BTBD1: variants seen among roughly 807,000 people sequenced by gnomAD.
BTBD1 encodes BTB/POZ domain-containing protein 1.
In BTBD1, 34 loss-of-function variants were observed where a neutral mutation model predicts 48.0. That is an observed-to-expected ratio of 0.71 (90% confidence interval 0.54 to 0.94). BTBD1 has a LOEUF of 0.94. Ranked by LOEUF, BTBD1 falls within the 40% of genes least tolerant of loss-of-function variation. The pLI is 0.00. For missense variants in BTBD1, 543 were observed against 625.6 expected (o/e 0.87, Z 1.41); for synonymous variants, 261 against 242.1 (o/e 1.08, Z -0.72).
At chr15:83,032,823 T>G (rs1488884013) in intron 4 of BTBD1, among the ~76,000 whole-genome samples, 4 of 151,798 alleles carry the variant, frequency 2.6e-5, no homozygotes, top group Non-Finnish European at 5.9e-5. Context: ...AACACAAAAT[T>G]TAGCCAAGGG....
chr15:83,060,295 A>C (rs2151314634), intron 1 of BTBD1, among the ~76,000 whole-genome samples: 1 of 152,164 alleles, frequency 6.6e-6, no homozygotes, highest in South Asian at 2.1e-4. Flanking sequence ...AAAAAAACTA[A>C]GCCAAGGTTT....
intron 2 of BTBD1, among the ~76,000 whole-genome samples, chr15:83,052,700 G>T (rs1370951388): frequency 6.8e-6 from 1 of 148,014 alleles, no homozygotes; most frequent in Admixed American, 6.8e-5. Flanking sequence ...GCGTGATCTC[G>T]GCTCATTGCA....
chr15:83,032,969 C>CAAAAAAAA lies in BTBD1; in HGVS notation c.863-2649_863-2642dup, dbSNP rs56152195. Among the ~76,000 whole-genome samples the CAAAAAAAA allele has an allele frequency of 3.6e-3, 317 of 86,944 alleles. 11 individuals are homozygous for CAAAAAAAA. The highest frequency in any genetic ancestry group is 5.4e-3 in the African/African-American group (108 of 20,056). 57.0% of individuals were successfully genotyped at this position (86,944 alleles called of 152,430 possible). A position where few individuals can be genotyped will look rare whatever the true frequency, so the allele number is the denominator to read the frequency against. On this transcript the variant is annotated intron_variant, in intron 4 of 7. Coordinates refer to ENST00000261721, the MANE Select transcript of BTBD1 (RefSeq NM_025238.4). ...GCTGGGTGACAGTCTTACTCTGTCT[C>CAAAAAAAA]AAAAAAAAAAAAAAAAAAACAGAAT...
chr15:83,039,458 T>G lies in BTBD1; in HGVS notation c.862+2270A>C, dbSNP rs118115716. 2.2e-3 allele frequency among the ~76,000 whole-genome samples: 330 copies of G among 152,000 alleles called. 8 individuals are homozygous for G. In the East Asian group the frequency reaches 0.036, roughly 16 times the overall value. Reference sequence around the variant, plus strand: ...AAGGTTAGCCATTGTGGGAAGCAGTTTGGAGATTTTTTAAAGAACTCAGAA... The same window carrying G: ...AAGGTTAGCCATTGTGGGAAGCAGTGTGGAGATTTTTTAAAGAACTCAGAA... On this transcript the variant is annotated intron_variant, in intron 4 of 7. Coordinates refer to ENST00000261721, the MANE Select transcript of BTBD1 (RefSeq NM_025238.4).
At chr15:83,033,398 GGGCAAATATATA>G (rs1176616644) in intron 4 of BTBD1, among the ~76,000 whole-genome samples, 2 of 152,066 alleles carry the variant, frequency 1.3e-5, no homozygotes, top group African/African-American at 2.4e-5. Flanking sequence ...ATAACTGAAA[GGGCAAATATATA>G]GGCAAATCAA....
At chr15:83,030,577 G>T in intron 4 of BTBD1, 1 of 377,156 alleles carries the variant, frequency 2.7e-6, no homozygotes, top group Non-Finnish European at 4.8e-6. Context: ...TATTCCTCAT[G>T]GATGCCAGGA....
intron 5 of BTBD1, among the ~76,000 whole-genome samples, chr15:83,023,360 A>G (rs2032337137): frequency 6.6e-6 from 1 of 152,154 alleles, no homozygotes; most frequent in Non-Finnish European, 1.5e-5. Context: ...GGTGAAAATA[A>G]AAGGCACATT....
chr15:83,064,122 C>A (rs892600195), intron 1 of BTBD1, among the ~76,000 whole-genome samples: 1 of 152,210 alleles, frequency 6.6e-6, no homozygotes, highest in African/African-American at 2.4e-5. Flanking sequence ...AACTTAAGTT[C>A]ATGAGCCTGT....
In BTBD1 at chr15:83,056,487, T is replaced by C; in HGVS notation, c.460A>G (p.Thr154Ala). 6.2e-7 allele frequency: 1 copy of C among 1,613,458 alleles called. No homozygotes were observed. Reference sequence around the variant, plus strand: ...GCTGGGACTGCGTATTTCTTGGCAGTATAAAGAGTGGTCATAACTGTTTCT... The same window carrying C: ...GCTGGGACTGCGTATTTCTTGGCAGCATAAAGAGTGGTCATAACTGTTTCT... ...GPETVMTTLYTAKKYAVPALE... is the reference protein window; with the variant it reads ...GPETVMTTLYAAKKYAVPALE... Residue 154 changes from threonine (T) to alanine (A), a missense_variant, in exon 2 of 8, where the codon ACT (threonine) becomes GCT (alanine). By Grantham distance (58) the Thr-to-Ala change is moderately conservative. Transcript: ENST00000261721.
At position 83,018,074 on chromosome 15, in the gene BTBD1, T is replaced by C; in HGVS notation, c.1442A>G (p.Tyr481Cys). ...ATGTATTATAATGCTAAATTATGTA[T>C]AAAATATGATTTCTGGAATTTGTCC... ...EDGQIPEIIF[Y>C]T The change falls in exon 8 of 8, where the codon TAT becomes TGT. Residue 481 changes from tyrosine to cysteine, a missense_variant. This residue lies in a region of BTBD1 where 300 missense variants were observed against 350.0 expected (regional missense o/e 0.86). Transcript: ENST00000261721. 1 of 1,602,034 alleles carries C rather than the reference T, an allele frequency of 6.2e-7. No individual in the cohort carries two copies. The highest frequency in any genetic ancestry group is 2.2e-5 in the East Asian group (1 of 44,608).
intron 3 of BTBD1, among the ~76,000 whole-genome samples, chr15:83,045,211 T>C (rs562427142): frequency 4.1e-4 from 62 of 152,088 alleles, no homozygotes; most frequent in Non-Finnish European, 8.1e-4. Flanking sequence ...TATTCTACAA[T>C]ATGGGCAGGC....
chr15:83,025,417 G>C (rs939128671), intron 5 of BTBD1, among the ~76,000 whole-genome samples: 28 of 135,842 alleles, frequency 2.1e-4, no homozygotes, highest in African/African-American at 7.1e-4. Context: ...CCTTAAAATA[G>C]TATGTGACTT....
At chr15:83,021,763 T>C (rs994197792) in intron 5 of BTBD1, among the ~76,000 whole-genome samples, 1 of 150,246 alleles carries the variant, frequency 6.7e-6, no homozygotes, top group African/African-American at 2.5e-5. Flanking sequence ...ATAATAATAA[T>C]AATAATACAT....
chr15:83,052,815 T>G (rs11635970), intron 2 of BTBD1, among the ~76,000 whole-genome samples: 3,185 of 144,396 alleles, frequency 0.022, 78 homozygotes, highest in South Asian at 0.039. Context: ...TTTTTTTTTT[T>G]TTTTTTAGTA....
chr15:83,043,973 AT>A (rs1451673798), intron 3 of BTBD1, among the ~76,000 whole-genome samples: 1 of 152,230 alleles, frequency 6.6e-6, no homozygotes, highest in Admixed American at 6.5e-5. Context: ...CCCAGAAGCA[AT>A]AAGTTCAGAA....
chr15:83,023,053 C>T (rs2032332312), intron 5 of BTBD1, among the ~76,000 whole-genome samples: 1 of 152,024 alleles, frequency 6.6e-6, no homozygotes. Flanking sequence ...ATCCAGACAG[C>T]CCTTGCTAAC....
chr15:83,031,613 T>C (rs12904695), intron 4 of BTBD1, among the ~76,000 whole-genome samples: 63,554 of 151,882 alleles, frequency 0.42, 13,821 homozygotes, highest in Middle Eastern at 0.52. Flanking sequence ...GAACATCACA[T>C]ACCGGGGCCT....
intron 3 of BTBD1, 75 bp from the exon 4 acceptor site, chr15:83,042,000 TTATA>T: frequency 8.0e-7 from 1 of 1,250,634 alleles, no homozygotes; most frequent in Non-Finnish European, 1.1e-6. Context: ...ACAGACACAC[TTATA>T]TTAAGTTTTC....
At chr15:83,058,367 A>G (rs1265674420) in intron 1 of BTBD1, among the ~76,000 whole-genome samples, 1 of 152,166 alleles carries the variant, frequency 6.6e-6, no homozygotes. Context: ...ATTTTTTAAA[A>G]ATTTCTTAAT....
Sources: gnomAD v4.1 joint callset for allele counts (sites outside exome capture counted in the v4.1 genomes callset) on GRCh38, gnomAD v4.1.1 for gene constraint, gnomAD v4.1.1 regional missense constraint, MANE v1.5 for transcripts, NCBI Gene and HGNC (gene_info 2026-07-23, HGNC 2026-07-21) for gene names.